PML: variants seen among roughly 807,000 people sequenced by gnomAD.
PML encodes the protein protein PML.
A neutral mutation model predicts 65.2 loss-of-function variants in PML; 28 were observed. The ratio of observed to expected loss-of-function variants is 0.43; its 90% CI spans 0.32 to 0.59. The LOEUF is 0.59. Among genes scored for constraint, PML ranks in the 20% least tolerant of loss-of-function variants. The probability of loss-of-function intolerance (pLI) is 0.08; values close to 1 mark genes in which losing one functional copy is unlikely to be tolerated. For missense variants in PML, 1,021 were observed against 1,203.4 expected (o/e 0.85, Z 2.24); for synonymous variants, 500 against 508.8 (o/e 0.98, Z 0.23).
rs1047555898 is a variant in PML, at chr15:73,994,857, C to A, written c.45C>A (p.Pro15=). The change falls in exon 1 of 9, where the codon CCC becomes CCA. Residue 15 remains proline, a synonymous_variant. Coordinates refer to ENST00000268058, the MANE Select transcript of PML (RefSeq NM_033238.3). ...GATCTCCGAGGCCCCAGCAGGACCC[C>A]GCCCGGCCCCAGGAGCCCACCATGC... The part of the protein sequence containing the change: ...PARSPRPQQD[P]ARPQEPTMPP... The A allele has an allele frequency of 5.1e-6, 8 of 1,559,290 alleles. No homozygotes were observed. The East Asian group carries it at 1.9e-4, about 37-fold the overall frequency.
intron 2 of PML, among the ~76,000 whole-genome samples, chr15:74,006,946 C>T (rs1464938545): frequency 6.6e-6 from 1 of 152,216 alleles, no homozygotes; most frequent in African/African-American, 2.4e-5. Flanking sequence ...GGGATGGCCC[C>T]AAGCCATTCA....
intron 2 of PML, among the ~76,000 whole-genome samples, chr15:74,005,436 T>C (rs2069994632): frequency 7.0e-6 from 1 of 143,298 alleles, no homozygotes; most frequent in South Asian, 2.3e-4. Context: ...TTAAATTTTT[T>C]CCCCATTAAT....
intron 2 of PML, among the ~76,000 whole-genome samples, chr15:74,010,135 C>A (rs1319258565): frequency 6.7e-6 from 1 of 150,108 alleles, no homozygotes; most frequent in Non-Finnish European, 1.5e-5. Flanking sequence ...CACCTCAGAC[C>A]CCCAAGTATA....
Position 74,010,607 on chromosome 15 carries a change from C to A in PML, c.602+12131C>A, listed in dbSNP as rs1051874887. 4.6e-5 allele frequency among the ~76,000 whole-genome samples: 7 copies of A among 152,126 alleles called. No homozygotes were observed. The South Asian group carries it at 8.3e-4, about 18-fold the overall frequency. ...AAACTATTAATAGAACCACCGCCAG[C>A]CAGCCAGACAGCCATTGAGCAATCA... On this transcript the variant is annotated intron_variant, in intron 2 of 8. Coordinates refer to ENST00000268058, the MANE Select transcript of PML (RefSeq NM_033238.3).
At chr15:74,004,283 T>G (rs958014700) in intron 2 of PML, among the ~76,000 whole-genome samples, 1 of 151,532 alleles carries the variant, frequency 6.6e-6, no homozygotes, top group African/African-American at 2.4e-5. Flanking sequence ...CTAATAAATA[T>G]AGTTGGATGG....
At position 74,035,014 on chromosome 15, in the gene PML, C is replaced by A. The variant is rs780535513; in HGVS notation, c.1710+484C>A. ...ATCCATTCCACAGTGAAACAGGTGG[C>A]CTCGTGGGTAGTGACCCTTCTGTCC... On this transcript the variant is annotated intron_variant, in intron 7 of 8. Coordinates refer to ENST00000268058, the MANE Select transcript of PML (RefSeq NM_033238.3). The surrounding 1 kb of genome is among the most constrained non-coding windows in gnomAD (Gnocchi z 4.1). 2.6e-6 allele frequency: 4 copies of A among 1,525,804 alleles called. No homozygotes were observed. Among genetic ancestry groups the A allele is most frequent in the South Asian group, 2.3e-5 (2 of 85,912 alleles). The allele number at this position is 1,525,804 out of a possible 1,614,324, so 94.5% of individuals were successfully genotyped here.
In PML at chr15:74,023,370, G is replaced by C. The variant is rs149871195; in HGVS notation, c.1145G>C (p.Arg382Pro). 2 of 1,600,378 alleles carry C rather than the reference G, an allele frequency of 1.2e-6. No homozygotes were observed. Among genetic ancestry groups the C allele is most frequent in the Non-Finnish European group, 1.7e-6 (2 of 1,179,864 alleles). The change falls in exon 3 of 9, where the codon CGC becomes CCC. Residue 382 changes from arginine (R) to proline (P), a missense_variant. Transcript: ENST00000268058. ...RTDGFDEFKV[R>P]LQDLSSCITQ... ...GATGGCTTCGACGAGTTCAAGGTGC[G>C]CCTGCAGGACCTCAGCTCTTGCATC...
At chr15:74,033,124 C>G (rs373832766) in intron 5 of PML, 32 bp from the exon 6 acceptor site, 4 of 1,613,328 alleles carry the variant, frequency 2.5e-6, no homozygotes, top group Non-Finnish European at 3.4e-6. Context: ...CCTGCAGGCA[C>G]CTGACCTGGC....
chr15:74,047,479 C>T lies in PML; in HGVS notation c.*2471C>T. 1 of 225,806 alleles carries T rather than the reference C, an allele frequency of 4.4e-6. No individual in the cohort carries two copies. Among genetic ancestry groups the T allele is most frequent in the Non-Finnish European group, 8.8e-6 (1 of 113,310 alleles). The allele number at this position is 225,806 out of a possible 1,614,324, so 14.0% of individuals were successfully genotyped here. Reference sequence around the variant, plus strand: ...AGAAGATCCAGTCCCAATATGTCACCTGTGCTTCATCTTTGGACTATATCT... The same window carrying T: ...AGAAGATCCAGTCCCAATATGTCACTTGTGCTTCATCTTTGGACTATATCT... On this transcript the variant is annotated 3_prime_UTR_variant, in exon 9 of 9. Transcript: ENST00000268058.
In PML at chr15:73,997,972, T is replaced by A. The variant is rs190043807; in HGVS notation, c.130-32T>A. The A allele has an allele frequency of 3.8e-6, 6 of 1,598,384 alleles. No homozygotes were observed. In the African/African-American group the frequency reaches 4.0e-5, roughly 11 times the overall value. ...GGTAGGTGGGGGCTTTTGGGACTTCTCCAGGCCTCACCTGCCTCTCTGGTC... is the reference window on the plus strand; with the variant it reads ...GGTAGGTGGGGGCTTTTGGGACTTCACCAGGCCTCACCTGCCTCTCTGGTC... On this transcript the variant is annotated intron_variant, in intron 1 of 8. Coordinates refer to ENST00000268058, the MANE Select transcript of PML (RefSeq NM_033238.3).
Position 74,044,539 on chromosome 15 carries a change from A to G in PML, c.2180A>G (p.Lys727Arg). ...CCCGGGGCCAGCAGCTTCAAACTCA[A>G]GAACCTGGCCCAGACCTACCTGGCG... is the stretch of plus-strand genomic sequence containing the variant. Reference protein sequence around the residue: ...RVPGASSFKLKNLAQTYLARN... With the variant: ...RVPGASSFKLRNLAQTYLARN... Residue 727 changes from lysine (K) to arginine (R), a missense_variant, in exon 9 of 9, where the codon AAG becomes AGG. Physicochemically the swap from Lys to Arg is conservative, Grantham distance 26. Transcript: ENST00000268058. 1 of 1,613,738 alleles carries G rather than the reference A, an allele frequency of 6.2e-7. No individual in the cohort carries two copies.
At chr15:74,015,487 C>T (rs977094569) in intron 2 of PML, among the ~76,000 whole-genome samples, 2 of 152,228 alleles carry the variant, frequency 1.3e-5, no homozygotes, top group African/African-American at 4.8e-5. Flanking sequence ...GGTACCAGCT[C>T]TCCTTCACTG....
intron 2 of PML, among the ~76,000 whole-genome samples, chr15:74,006,257 G>A (rs1021709299): frequency 5.3e-5 from 8 of 152,060 alleles, no homozygotes; most frequent in Admixed American, 1.3e-4. Context: ...CAGGCATGGT[G>A]TCACACACCT....
intron 2 of PML, among the ~76,000 whole-genome samples, chr15:74,021,132 A>G (rs1236178135): frequency 6.6e-6 from 1 of 152,194 alleles, no homozygotes; most frequent in African/African-American, 2.4e-5. Flanking sequence ...TCTTGAACAA[A>G]TTATTTTGCC....
chr15:74,029,484 C>A (rs895840772), intron 4 of PML, among the ~76,000 whole-genome samples: 2 of 151,916 alleles, frequency 1.3e-5, no homozygotes, highest in East Asian at 3.9e-4. Context: ...ATTAGCCGGG[C>A]GTGATGGCAG....
chr15:74,044,513 G>C lies in PML; in HGVS notation c.2154G>C (p.Val718=). 1 of 1,614,024 alleles carries C rather than the reference G, an allele frequency of 6.2e-7. No individual in the cohort carries two copies. Among genetic ancestry groups the C allele is most frequent in the Non-Finnish European group, 8.5e-7 (1 of 1,180,012 alleles). ...CCCTGCCTCTCATCCGGGAGCGTGT[G>C]CCCGGGGCCAGCAGCTTCAAACTCA... is the stretch of plus-strand genomic sequence containing the variant. ...LAALPLIRER[V]PGASSFKLKN... is the part of the protein sequence containing the mutation. Residue 718 remains valine (V), a synonymous_variant, in exon 9 of 9, where the codon GTG becomes GTC. Transcript: ENST00000268058.
rs751926976 is a variant in PML at position 74,033,149 on chromosome 15, T to TA, written c.1399-6dup. Reference sequence around the variant, plus strand: ...CCTGACCTGGCTCTGTGACTCCCTCTATGCAGGATGTCTCCAATACAACGA... The same window carrying TA: ...CCTGACCTGGCTCTGTGACTCCCTCTAATGCAGGATGTCTCCAATACAACGA... On this transcript the variant is annotated splice_polypyrimidine_tract_variant and splice_region_variant and intron_variant, in intron 5 of 8. Coordinates refer to ENST00000268058, the MANE Select transcript of PML (RefSeq NM_033238.3). The TA allele has an allele frequency of 6.2e-7, 1 of 1,613,952 alleles. No individual in the cohort carries two copies. The highest frequency in any genetic ancestry group is 1.3e-5 in the African/African-American group (1 of 75,030).
At chr15:74,040,877 A>C (rs1273475890) in intron 7 of PML, among the ~76,000 whole-genome samples, 1 of 152,194 alleles carries the variant, frequency 6.6e-6, no homozygotes, top group African/African-American at 2.4e-5. Context: ...AGTTTAGGAC[A>C]AAGGACATTT....
chr15:74,023,485 C>A, intron 3 of PML, 77 bp downstream of exon 3: 1 of 1,160,146 alleles, frequency 8.6e-7, no homozygotes, highest in Non-Finnish European at 1.2e-6. Context: ...AAGAGATCAT[C>A]TCCATTTGAC....
Sources: allele counts gnomAD v4.1 joint callset (sites outside exome capture counted in the v4.1 genomes callset), GRCh38; gene constraint gnomAD v4.1.1; non-coding constraint Gnocchi (gnomAD v3.1); transcripts MANE v1.5; gene names NCBI Gene and HGNC (gene_info 2026-07-23, HGNC 2026-07-21).